The following PDZRN3 variants were observed in gnomAD, a reference collection of about 807,000 sequenced individuals.
PDZRN3 encodes the protein E3 ubiquitin-protein ligase PDZRN3.
A neutral mutation model predicts 85.7 loss-of-function variants in PDZRN3; 38 were observed. The ratio of observed to expected loss-of-function variants is 0.44; its 90% CI spans 0.34 to 0.58. PDZRN3 has a LOEUF of 0.58. PDZRN3 is among the 20% of genes least tolerant of loss of function. The pLI is 0.01. For synonymous variants in PDZRN3, 759 were observed against 638.0 expected (o/e 1.19, Z -2.86); for missense variants, 1,629 against 1,506.4 (o/e 1.08, Z -1.35).
At chr3:73,442,084 T>C (rs1306207173) in intron 3 of PDZRN3, among the ~76,000 whole-genome samples, 2 of 152,144 alleles carry the variant, frequency 1.3e-5, no homozygotes, top group Non-Finnish European at 2.9e-5. Context: ...GTGGTGGGCA[T>C]TGTGGCTCTG....
intron 3 of PDZRN3, among the ~76,000 whole-genome samples, chr3:73,472,115 CA>C (rs758377526): frequency 6.6e-6 from 1 of 152,178 alleles, no homozygotes; most frequent in Non-Finnish European, 1.5e-5. Context: ...GTTAGCAAAG[CA>C]ATGCAGAAAA....
In PDZRN3 at chr3:73,469,846, A is replaced by C. The variant is rs1703298412; in HGVS notation, c.919-65451T>G. On this transcript the variant is annotated intron_variant, in intron 3 of 9. Transcript: ENST00000263666. Reference sequence around the variant, plus strand: ...GATTGAAGGTGAGCATTTACTCATGAAAATATCTTGGTAGCTTAAGGCAGA... The same window carrying C: ...GATTGAAGGTGAGCATTTACTCATGCAAATATCTTGGTAGCTTAAGGCAGA... Among the ~76,000 whole-genome samples the C allele has an allele frequency of 4.6e-5, 7 of 152,226 alleles. No individual in the cohort carries two copies. The South Asian group carries it at 1.4e-3, about 31-fold the overall frequency.
intron 3 of PDZRN3, among the ~76,000 whole-genome samples, chr3:73,475,460 C>A (rs533331671): frequency 6.6e-6 from 1 of 152,192 alleles, no homozygotes; most frequent in Admixed American, 6.5e-5. Flanking sequence ...GGGTTCCCCC[C>A]CCAACTCTGA....
intron 5 of PDZRN3, among the ~76,000 whole-genome samples, chr3:73,396,665 T>TACATCCTGAGAATACAATACAGGTGAC (rs568554024): frequency 2.0e-5 from 3 of 152,338 alleles, no homozygotes; most frequent in Middle Eastern, 6.8e-3. Context: ...GTCTCAGAAT[T>TACATCCTGAGAATACAATACAGGTGAC]ACATCCTGAG....
At chr3:73,532,933 G>T (rs1393860104) in intron 3 of PDZRN3, among the ~76,000 whole-genome samples, 1 of 152,178 alleles carries the variant, frequency 6.6e-6, no homozygotes, top group Non-Finnish European at 1.5e-5. Context: ...CTGACCAGAA[G>T]AATCTAGAAA....
intron 3 of PDZRN3, among the ~76,000 whole-genome samples, chr3:73,568,807 T>C (rs141332410): frequency 6.6e-6 from 1 of 152,202 alleles, no homozygotes. Context: ...AGGAGGAAAG[T>C]CAAATCCTGG....
At chr3:73,447,009 T>G (rs1187228203) in intron 3 of PDZRN3, among the ~76,000 whole-genome samples, 1 of 148,522 alleles carries the variant, frequency 6.7e-6, no homozygotes, top group African/African-American at 2.5e-5. Flanking sequence ...GGACGTGAGC[T>G]GAACCTTCCC....
intron 3 of PDZRN3, among the ~76,000 whole-genome samples, chr3:73,444,204 T>C (rs1198639823): frequency 6.6e-6 from 1 of 152,204 alleles, no homozygotes; most frequent in East Asian, 1.9e-4. Flanking sequence ...CATACATTTG[T>C]GCTTGTTGAG....
intron 3 of PDZRN3, among the ~76,000 whole-genome samples, chr3:73,445,212 G>T (rs1310764775): frequency 6.6e-6 from 1 of 152,124 alleles, no homozygotes; most frequent in Non-Finnish European, 1.5e-5. Flanking sequence ...ACAGATTTTT[G>T]TTTTTATTCT....
intron 3 of PDZRN3, among the ~76,000 whole-genome samples, chr3:73,445,270 T>G (rs1215183535): frequency 6.6e-6 from 1 of 152,192 alleles, no homozygotes; most frequent in African/African-American, 2.4e-5. Flanking sequence ...AGATGGTCCT[T>G]TCCAACAGCC....
chr3:73,518,694 G>A (rs114194024), intron 3 of PDZRN3, among the ~76,000 whole-genome samples: 3,280 of 152,210 alleles, frequency 0.022, 49 homozygotes, highest in Non-Finnish European at 0.033. Context: ...GGAAGATTTA[G>A]TGTCTAGTGA....
intron 3 of PDZRN3, among the ~76,000 whole-genome samples, chr3:73,542,966 G>A (rs1701320689): frequency 6.6e-6 from 1 of 152,082 alleles, no homozygotes; most frequent in Non-Finnish European, 1.5e-5. Context: ...ATACTTTCCT[G>A]TGTGTACTCC....
At chr3:73,487,713 A>G (rs1575685803) in intron 3 of PDZRN3, among the ~76,000 whole-genome samples, 1 of 152,200 alleles carries the variant, frequency 6.6e-6, no homozygotes, top group Non-Finnish European at 1.5e-5. Flanking sequence ...GCACCTATAA[A>G]CAGCTCTTAT....
chr3:73,476,477 G>A (rs1703450982), intron 3 of PDZRN3, among the ~76,000 whole-genome samples: 1 of 152,130 alleles, frequency 6.6e-6, no homozygotes, highest in Admixed American at 6.5e-5. Flanking sequence ...CTTCAACATT[G>A]GGGTTTACAA....
chr3:73,560,915 C>G (rs1227902038), intron 3 of PDZRN3, among the ~76,000 whole-genome samples: 1 of 152,160 alleles, frequency 6.6e-6, no homozygotes, highest in Non-Finnish European at 1.5e-5. Flanking sequence ...ACACTAAAGT[C>G]TATTTGCTGG....
At chr3:73,490,473 G>A (rs184703986) in intron 3 of PDZRN3, among the ~76,000 whole-genome samples, 285 of 152,304 alleles carry the variant, frequency 1.9e-3, no homozygotes, top group Non-Finnish European at 3.0e-3. Flanking sequence ...CACTGCAAGA[G>A]CAGATCTTGC....
At chr3:73,392,243 C>T (rs1397313995) in intron 5 of PDZRN3, among the ~76,000 whole-genome samples, 3 of 152,238 alleles carry the variant, frequency 2.0e-5, no homozygotes, top group Admixed American at 6.5e-5. Flanking sequence ...GAGAAGTGGG[C>T]TGAGGGTGGC....
chr3:73,451,800 G>C (rs1364564432), intron 3 of PDZRN3, among the ~76,000 whole-genome samples: 1 of 152,084 alleles, frequency 6.6e-6, no homozygotes, highest in Non-Finnish European at 1.5e-5. Context: ...TCATATGATA[G>C]GTCATCAGCT....
intron 3 of PDZRN3, among the ~76,000 whole-genome samples, chr3:73,481,108 C>A (rs954514102): frequency 6.6e-6 from 1 of 152,164 alleles, no homozygotes; most frequent in Admixed American, 6.5e-5. Flanking sequence ...GATGCAGATA[C>A]CCGTGCTCTC....
Sources: allele counts gnomAD v4.1 joint callset (sites outside exome capture counted in the v4.1 genomes callset), GRCh38; gene constraint gnomAD v4.1.1; transcripts MANE v1.5; gene names NCBI Gene and HGNC (gene_info 2026-07-23, HGNC 2026-07-21).